Variants in FAM200B observed in about 807,000 individuals in gnomAD.
FAM200B encodes the protein zinc finger BED-type containing 11.
A neutral mutation model predicts 33.1 loss-of-function variants in FAM200B; 32 were observed. The observed-to-expected ratio is 0.97, with a 90% CI of 0.73 to 1.30. FAM200B has a LOEUF of 1.30. Ranked by LOEUF, FAM200B falls within the 50% of genes most tolerant of loss-of-function variation. FAM200B has a pLI of 0.00. For synonymous variants in FAM200B, 240 were observed against 264.8 expected, an observed-to-expected ratio of 0.91 and a Z score of 0.91; for missense variants, 741 against 754.0, an observed-to-expected ratio of 0.98 and a Z score of 0.20.
chr4:15,688,613 C>G lies in FAM200B; in HGVS notation c.1636C>G (p.Pro546Ala). ...WVKDPFAFRH[P>A]ESIIELNLVP... ...AAAAGATCCATTTGCTTTTCGACAC[C>G]CTGAATCAATAATTGAGCTAAACTT... is the stretch of plus-strand genomic sequence containing the variant. The change falls in exon 2 of 2, where the codon CCT becomes GCT. Residue 546 changes from proline (P) to alanine (A), a missense_variant. Physicochemically the swap from Pro to Ala is conservative, Grantham distance 27 (BLOSUM62 -1). Transcript: ENST00000422728. 1 of 1,551,014 alleles carries G rather than the reference C, an allele frequency of 6.4e-7. No homozygotes were observed. The highest frequency in any genetic ancestry group is 1.2e-5 in the South Asian group (1 of 84,014).
upstream of FAM200B, among the ~76,000 whole-genome samples, chr4:15,679,654 C>G (rs1290342132): frequency 1.3e-5 from 2 of 151,344 alleles, no homozygotes; most frequent in South Asian, 4.2e-4. Context: ...TATCACACAA[C>G]AAGTTATTTT....
the FAM200B span, among the ~76,000 whole-genome samples, chr4:15,674,565 A>C: frequency 1.3e-5 from 2 of 152,114 alleles, no homozygotes; most frequent in African/African-American, 4.8e-5. Flanking sequence ...TTACTCATGA[A>C]ACTTTCATTT....
Position 15,687,612 on chromosome 4 carries a change from A to C in FAM200B, c.635A>C (p.Glu212Ala), listed in dbSNP as rs1349319587. 1 of 1,551,194 alleles carries C rather than the reference A, an allele frequency of 6.4e-7. No homozygotes were observed. Among genetic ancestry groups the C allele is most frequent in the East Asian group, 2.4e-5 (1 of 40,884 alleles). Residue 212 changes from glutamate (E) to alanine (A), a missense_variant, in exon 2 of 2, where the codon GAA becomes GCA. By Grantham distance (107) the Glu-to-Ala change is moderately radical (BLOSUM62 -1). Transcript: ENST00000422728. ...LRICTIAEHLETMLITRLQSG... is the reference protein window; with the variant it reads ...LRICTIAEHLATMLITRLQSG... The stretch of plus-strand genomic sequence containing the variant: ...ATTTGTACTATTGCAGAACATTTAG[A>C]AACAATGCTTATTACTCGTTTACAG...
chr4:15,659,829 G>A, the FAM200B span: 1 of 668,508 alleles, frequency 1.5e-6, no homozygotes, highest in Middle Eastern at 7.3e-4. Flanking sequence ...AGAAAGAATG[G>A]TTCCATGTGT....
the FAM200B span, among the ~76,000 whole-genome samples, chr4:15,661,774 TG>T: frequency 1.3e-5 from 2 of 152,218 alleles, no homozygotes; most frequent in Non-Finnish European, 2.9e-5. Context: ...GAGTGGCTTA[TG>T]GGGTGGTTCT....
At chr4:15,651,828 T>C in the FAM200B span, among the ~76,000 whole-genome samples, 3 of 152,210 alleles carry the variant, frequency 2.0e-5, no homozygotes, top group Non-Finnish European at 2.9e-5. Context: ...CTGGTTTATA[T>C]ATAAGCCTGG....
chr4:15,654,596 G>T, the FAM200B span, among the ~76,000 whole-genome samples: 2 of 152,238 alleles, frequency 1.3e-5, no homozygotes, highest in African/African-American at 4.8e-5. Context: ...CATGAAGAGT[G>T]AAGGTTCTTC....
chr4:15,670,566 T>G, the FAM200B span, among the ~76,000 whole-genome samples: 2 of 152,186 alleles, frequency 1.3e-5, no homozygotes. Flanking sequence ...ACCTTTAGCT[T>G]TTAACTGGGA....
chr4:15,670,908 C>T, the FAM200B span, among the ~76,000 whole-genome samples: 2 of 129,800 alleles, frequency 1.5e-5, no homozygotes, highest in Admixed American at 8.4e-5. Flanking sequence ...TTTCTCTGTG[C>T]GTAGACTTTT....
chr4:15,673,366 A>C, the FAM200B span, among the ~76,000 whole-genome samples: 1 of 152,124 alleles, frequency 6.6e-6, no homozygotes, highest in Non-Finnish European at 1.5e-5. Flanking sequence ...ACCAGAGCCC[A>C]GAAGGTCGAG....
chr4:15,679,063 A>ATTT (rs60866290), upstream of FAM200B, among the ~76,000 whole-genome samples: 4 of 118,756 alleles, frequency 3.4e-5, no homozygotes, highest in African/African-American at 3.1e-5. Flanking sequence ...TAAAATCTCT[A>ATTT]TTTTTTTTTT....
the FAM200B span, among the ~76,000 whole-genome samples, chr4:15,669,479 T>G: frequency 6.6e-6 from 1 of 152,166 alleles, no homozygotes; most frequent in Admixed American, 6.5e-5. Flanking sequence ...ATAATATAAT[T>G]TTTTTAAACG....
rs1718311737 is a variant in FAM200B at position 15,681,828 on chromosome 4, G to C, written c.-816G>C. On this transcript the variant is annotated 5_prime_UTR_variant, in exon 1 of 2. Transcript: ENST00000422728. ...TGCGGAGGGAAGTGTGGGGAGAGCAGAGGCGCAGCTCTGCTGGAGAGACCT... is the reference window on the plus strand; with the variant it reads ...TGCGGAGGGAAGTGTGGGGAGAGCACAGGCGCAGCTCTGCTGGAGAGACCT... 6.5e-6 allele frequency: 1 copy of C among 152,806 alleles called. No homozygotes were observed. The highest frequency in any genetic ancestry group is 1.5e-5 in the Non-Finnish European group (1 of 68,466). 9.5% of individuals were successfully genotyped at this position (152,806 alleles called of 1,614,324 possible). A position where few individuals can be genotyped will look rare whatever the true frequency, so the allele number is the denominator to read the frequency against.
the FAM200B span, chr4:15,638,406 G>T: frequency 5.5e-6 from 4 of 731,834 alleles, no homozygotes; most frequent in South Asian, 2.3e-5. Context: ...CACAGTGCAG[G>T]CCTAACTTGA....
upstream of FAM200B, chr4:15,681,413 C>T: frequency 1.2e-5 from 2 of 173,324 alleles, no homozygotes; most frequent in Non-Finnish European, 1.4e-5. Flanking sequence ...GTGGCTGCTG[C>T]GCCAACCGAA....
the FAM200B span, among the ~76,000 whole-genome samples, chr4:15,674,759 C>A: frequency 6.6e-6 from 1 of 151,872 alleles, no homozygotes; most frequent in Non-Finnish European, 1.5e-5. Flanking sequence ...ACACTATTCT[C>A]CTGCCTCAGC....
At chr4:15,681,280 C>T (rs1718249828), upstream of FAM200B, 1 of 153,520 alleles carries the variant, frequency 6.5e-6, no homozygotes, top group Non-Finnish European at 1.5e-5. Context: ...TGAAAATCAC[C>T]TTGGAGTGTA....
the FAM200B span, among the ~76,000 whole-genome samples, chr4:15,671,467 C>G: frequency 2.3e-3 from 352 of 151,310 alleles, 3 homozygotes; most frequent in African/African-American, 8.2e-3. Flanking sequence ...GAGACAGGGT[C>G]TCTCCACATT....
At chr4:15,639,719 G>T in the FAM200B span, among the ~76,000 whole-genome samples, 1 of 152,196 alleles carries the variant, frequency 6.6e-6, no homozygotes, top group Non-Finnish European at 1.5e-5. Flanking sequence ...GAGTTGGGGG[G>T]CCCTGAAAAA....
Sources: gnomAD v4.1 joint callset for allele counts (sites outside exome capture counted in the v4.1 genomes callset) on GRCh38, gnomAD v4.1.1 for gene constraint, MANE v1.5 for transcripts, NCBI Gene and HGNC (gene_info 2026-07-23, HGNC 2026-07-21) for gene names.